Variants in TMEM117 observed in about 807,000 individuals in gnomAD.
TMEM117 encodes transmembrane protein 117.
A neutral mutation model predicts 52.4 loss-of-function variants in TMEM117; 27 were observed. That is an observed-to-expected ratio of 0.51 (90% CI 0.38 to 0.71). The LOEUF (loss-of-function observed/expected upper bound fraction) is 0.71. TMEM117 is among the 30% of genes least tolerant of loss of function. The probability of loss-of-function intolerance (pLI) is 0.00; values close to 1 mark genes in which losing one functional copy is unlikely to be tolerated. For missense variants in TMEM117, 556 were observed against 630.5 expected, an observed-to-expected ratio of 0.88 and a Z score of 1.26; for synonymous variants, 215 against 206.3, an observed-to-expected ratio of 1.04 and a Z score of -0.36.
At chr12:43,842,262 T>G (rs1024404574) in intron 1 of TMEM117, among the ~76,000 whole-genome samples, 6 of 152,226 alleles carry the variant, frequency 3.9e-5, no homozygotes, top group African/African-American at 1.2e-4. Flanking sequence ...TAGCAGGTGA[T>G]GAGCCTCATA....
the TMEM117 span, chr12:43,798,437 G>A: frequency 6.3e-6 from 5 of 797,362 alleles, no homozygotes; most frequent in South Asian, 1.0e-4. Flanking sequence ...AGCTAGTAGA[G>A]AGTCTCATTC....
chr12:43,802,365 T>C, the TMEM117 span: 1 of 1,602,362 alleles, frequency 6.2e-7, no homozygotes. Context: ...GAATAATATA[T>C]AGCATGGTTG....
At chr12:44,125,818 T>A (rs987077097) in intron 3 of TMEM117, among the ~76,000 whole-genome samples, 4 of 152,190 alleles carry the variant, frequency 2.6e-5, no homozygotes, top group African/African-American at 9.7e-5. Flanking sequence ...ATTGTTAACT[T>A]GAGATCTTTC....
intron 3 of TMEM117, among the ~76,000 whole-genome samples, chr12:43,948,857 C>T (rs767998621): frequency 1.3e-5 from 2 of 152,104 alleles, no homozygotes; most frequent in African/African-American, 2.4e-5. Context: ...GACAAAAATG[C>T]AGAAGGATCT....
At chr12:44,008,287 T>A (rs1165565088) in intron 3 of TMEM117, among the ~76,000 whole-genome samples, 3 of 152,224 alleles carry the variant, frequency 2.0e-5, no homozygotes, top group Admixed American at 6.5e-5. Flanking sequence ...GAGTCTTGAC[T>A]GTTATATATC....
At chr12:44,016,541 C>T (rs1012992342) in intron 3 of TMEM117, among the ~76,000 whole-genome samples, 6 of 152,178 alleles carry the variant, frequency 3.9e-5, no homozygotes, top group Middle Eastern at 3.4e-3. Context: ...TTCTCTAGGG[C>T]TTTCACTACG....
At chr12:44,065,731 T>C (rs1454623041) in intron 3 of TMEM117, among the ~76,000 whole-genome samples, 1 of 152,164 alleles carries the variant, frequency 6.6e-6, no homozygotes, top group Non-Finnish European at 1.5e-5. Context: ...TGAGTTCATA[T>C]GGTGAGCAGC....
At position 43,945,109 on chromosome 12, in the gene TMEM117, C is replaced by CTAAATAAATAAATAAATAAATAAATAAA. The variant is rs71091187; in HGVS notation, c.410+772_410+799dup. Among the ~76,000 whole-genome samples, 49 of 141,720 alleles carry CTAAATAAATAAATAAATAAATAAATAAA rather than the reference C, an allele frequency of 3.5e-4. 2 individuals are homozygous for CTAAATAAATAAATAAATAAATAAATAAA. The highest frequency in any genetic ancestry group is 1.4e-3 in the Admixed American group (20 of 13,996). 93.0% of individuals were successfully genotyped at this position (141,720 alleles called of 152,430 possible). A position where few individuals can be genotyped will look rare whatever the true frequency, so the allele number is the denominator to read the frequency against. On this transcript the variant is annotated intron_variant, in intron 3 of 7. Transcript: ENST00000266534. ...CTGGCAACAAAGCAAGACTCCGTCT[C>CTAAATAAATAAATAAATAAATAAATAAA]TAAATAAATAAATAAATAAATAAAT...
intron 3 of TMEM117, among the ~76,000 whole-genome samples, chr12:44,100,730 C>T (rs777741783): frequency 6.6e-5 from 10 of 151,966 alleles, no homozygotes; most frequent in Non-Finnish European, 1.0e-4. Context: ...TCAGTATTTA[C>T]TTCTCAATGC....
intron 3 of TMEM117, among the ~76,000 whole-genome samples, chr12:44,102,032 G>A: frequency 6.6e-6 from 1 of 151,948 alleles, no homozygotes; most frequent in Non-Finnish European, 1.5e-5. Flanking sequence ...GGGGGAATTT[G>A]TGGAGGATAC....
At chr12:43,872,897 G>A (rs1421233927) in intron 2 of TMEM117, among the ~76,000 whole-genome samples, 1 of 152,104 alleles carries the variant, frequency 6.6e-6, no homozygotes, top group Non-Finnish European at 1.5e-5. Context: ...GTGGCAAAGA[G>A]AGAAAGATAA....
chr12:43,904,050 A>G (rs980462656), intron 2 of TMEM117, among the ~76,000 whole-genome samples: 1 of 152,216 alleles, frequency 6.6e-6, no homozygotes, highest in African/African-American at 2.4e-5. Flanking sequence ...ATTTTGCCAG[A>G]TGGTATCATT....
intron 6 of TMEM117, among the ~76,000 whole-genome samples, chr12:44,327,844 T>C (rs985423493): frequency 2.0e-5 from 3 of 152,128 alleles, no homozygotes; most frequent in African/African-American, 7.2e-5. Context: ...GTTGCCAAGA[T>C]CAGAAGCCCC....
chr12:44,129,438 G>T (rs1461365107), intron 3 of TMEM117, among the ~76,000 whole-genome samples: 1 of 151,934 alleles, frequency 6.6e-6, no homozygotes, highest in African/African-American at 2.4e-5. Context: ...GTGTCTTGCA[G>T]AGCTTTACTA....
intron 4 of TMEM117, among the ~76,000 whole-genome samples, chr12:44,181,812 G>T (rs1592586365): frequency 6.6e-6 from 1 of 150,696 alleles, no homozygotes; most frequent in South Asian, 2.1e-4. Context: ...TGTTCTTTTG[G>T]CTTAGGATTG....
At chr12:44,258,516 G>C (rs956102129) in intron 5 of TMEM117, among the ~76,000 whole-genome samples, 1 of 152,028 alleles carries the variant, frequency 6.6e-6, no homozygotes, top group Non-Finnish European at 1.5e-5. Context: ...AAAAAGATTA[G>C]AGTGTTTTGA....
intron 6 of TMEM117, among the ~76,000 whole-genome samples, chr12:44,327,837 G>A (rs767534693): frequency 6.6e-6 from 1 of 152,114 alleles, no homozygotes; most frequent in Non-Finnish European, 1.5e-5. Context: ...CTCCACAGTT[G>A]CCAAGATCAG....
At chr12:43,996,924 G>C (rs1251913638) in intron 3 of TMEM117, among the ~76,000 whole-genome samples, 1 of 152,184 alleles carries the variant, frequency 6.6e-6, no homozygotes, top group Non-Finnish European at 1.5e-5. Context: ...GTGTCAGTAA[G>C]AGGAAATTAA....
At chr12:43,885,296 G>A (rs1943971586) in intron 2 of TMEM117, among the ~76,000 whole-genome samples, 1 of 152,190 alleles carries the variant, frequency 6.6e-6, no homozygotes, top group African/African-American at 2.4e-5. Context: ...CCCTGTGCCT[G>A]TGTAGGCTTG....
Sources: allele counts gnomAD v4.1 joint callset (sites outside exome capture counted in the v4.1 genomes callset), GRCh38; gene constraint gnomAD v4.1.1; transcripts MANE v1.5; gene names NCBI Gene and HGNC (gene_info 2026-07-23, HGNC 2026-07-21).